Variants in NLRP7 observed in about 807,000 individuals in gnomAD.
NLRP7 encodes the protein NLR family pyrin domain containing 7, also known as NACHT, LRR and PYD domains-containing protein 7.
NLRP7 carries 72 observed loss-of-function variants against 85.5 expected under a neutral mutation model. That is an observed-to-expected ratio of 0.84 (90% confidence interval 0.70 to 1.02). NLRP7 has a LOEUF of 1.02. Among genes scored for constraint, NLRP7 ranks in the 50% least tolerant of loss-of-function variants. The pLI, the probability that NLRP7 is intolerant of heterozygous loss-of-function variation, is 0.00. For missense variants in NLRP7, 1,243 were observed against 1,219.5 expected, an observed-to-expected ratio of 1.02 and a Z score of -0.29; for synonymous variants, 550 against 505.2, an observed-to-expected ratio of 1.09 and a Z score of -1.19.
chr19:54,939,612 G>A (rs774981901), exon 4 of NLRP7: 3 of 1,611,026 alleles, frequency 1.9e-6, no homozygotes, highest in Non-Finnish European at 2.5e-6. Context: ...GCGCCCTGCG[G>A]GAACCGGCTG....
exon 5 of NLRP7, chr19:54,938,198 G>C: frequency 6.2e-7 from 1 of 1,614,116 alleles, no homozygotes; most frequent in Non-Finnish European, 8.5e-7. Flanking sequence ...CGAAGAGAGC[G>C]AAGATCCTGC....
chr19:54,942,255 CAAAAAAAAAA>C (rs576434793), intron 1 of NLRP7, among the ~76,000 whole-genome samples: 2 of 59,442 alleles, frequency 3.4e-5, no homozygotes, highest in Non-Finnish European at 3.1e-5. Context: ...GACTCCGTCT[CAAAAAAAAAA>C]AAAAAAAAAA....
rs1010066192 is a variant in NLRP7 at position 54,926,217 on chromosome 19, T to TGTGTGTGTGTGTGTGTGTGTGTGC, written c.2811-2346_2811-2345insGCACACACACACACACACACACAC. On this transcript the variant is annotated intron_variant, in intron 9 of 9. Transcript: ENST00000340844. ...TATAATGATTAGGGGTGTGTGTGTG[T>TGTGTGTGTGTGTGTGTGTGTGTGC]GTGTGTGTGTGCTCATGCACACACA... Among the ~76,000 whole-genome samples, 3 of 150,744 alleles carry TGTGTGTGTGTGTGTGTGTGTGTGC rather than the reference T, an allele frequency of 2.0e-5. No homozygotes were observed. The Admixed American group carries it at 2.0e-4, about 10-fold the overall frequency.
chr19:54,942,025 G>A (rs895212510), intron 1 of NLRP7, among the ~76,000 whole-genome samples: 7 of 151,754 alleles, frequency 4.6e-5, no homozygotes, highest in South Asian at 2.1e-4. Context: ...AGGCCGAGGC[G>A]GATGGATCAC....
chr19:54,951,692 G>A (rs1257712456), upstream of NLRP7, among the ~76,000 whole-genome samples: 1 of 152,074 alleles, frequency 6.6e-6, no homozygotes, highest in Non-Finnish European at 1.5e-5. Flanking sequence ...TCTAGACACT[G>A]CACTTTTGCC....
At chr19:54,938,805 G>C in intron 4 of NLRP7, 83 bp downstream of exon 4, 1 of 1,467,966 alleles carries the variant, frequency 6.8e-7, no homozygotes, top group Non-Finnish European at 9.5e-7. Context: ...TCCAGCCAGA[G>C]GGAAATTCTG....
chr19:54,939,282 G>A (rs764018986), exon 4 of NLRP7: 15 of 1,613,942 alleles, frequency 9.3e-6, no homozygotes, highest in Middle Eastern at 1.6e-4. Flanking sequence ...ATCAGGTCGG[G>A]GTTCTTGAGT....
chr19:54,964,659 T>C (rs562332581), intron 1 of NLRP7, among the ~76,000 whole-genome samples: 4 of 150,004 alleles, frequency 2.7e-5, no homozygotes, highest in East Asian at 2.0e-4. Flanking sequence ...CCCGTCTCTA[T>C]TGAAAAAAAT....
intron 9 of NLRP7, among the ~76,000 whole-genome samples, chr19:54,925,617 A>G (rs929856201): frequency 4.6e-5 from 7 of 152,168 alleles, no homozygotes; most frequent in African/African-American, 1.7e-4. Flanking sequence ...AACCTCGGCA[A>G]CACGGCCACA....
rs2068322057 is a variant in NLRP7, at chr19:54,923,856, T to C, written c.2827A>G (p.Thr943Ala). ...AACAGCTTCTTGATTTCCAAATTAGTTTCATAGGTCTTCAACCTGGAGGGA... is the reference window on the plus strand; with the variant it reads ...AACAGCTTCTTGATTTCCAAATTAGCTTCATAGGTCTTCAACCTGGAGGGA... The change falls in exon 10 of 10, where the codon ACT becomes GCT. Residue 943 changes from threonine to alanine, a missense_variant. This residue lies in a region of NLRP7 where 613 missense variants were observed against 588.4 expected (regional missense o/e 1.04). Transcript: ENST00000340844. The C allele has an allele frequency of 2.5e-6, 4 of 1,614,032 alleles. No homozygotes were observed. The African/African-American group carries it at 5.3e-5, about 22-fold the overall frequency.
At chr19:54,939,866 T>A in exon 4 of NLRP7, 2 of 1,614,028 alleles carry the variant, frequency 1.2e-6, no homozygotes, top group Non-Finnish European at 1.7e-6. Flanking sequence ...CACCCTTACG[T>A]AGATCGGCTG....
chr19:54,936,819 G>T (rs2068949038), intron 5 of NLRP7, among the ~76,000 whole-genome samples: 1 of 152,152 alleles, frequency 6.6e-6, no homozygotes, highest in Admixed American at 6.6e-5. Flanking sequence ...GGAGGCTGAG[G>T]TAGGAGAATC....
chr19:54,943,182 T>C (rs1218615097), intron 1 of NLRP7, among the ~76,000 whole-genome samples: 1 of 150,834 alleles, frequency 6.6e-6, no homozygotes, highest in Non-Finnish European at 1.5e-5. Flanking sequence ...TGGTGGAACA[T>C]ACCCGTAGTC....
chr19:54,965,446 C>T lies in NLRP7; in HGVS notation c.-77+594G>A, dbSNP rs1258192195. 2 of 98,936 alleles carry T rather than the reference C, an allele frequency of 2.0e-5. 1 individual carries two copies. The highest frequency in any genetic ancestry group is 4.2e-5 in the Non-Finnish European group (2 of 47,142). 6.1% of individuals were successfully genotyped at this position (98,936 alleles called of 1,614,324 possible). A position where few individuals can be genotyped will look rare whatever the true frequency, so the allele number is the denominator to read the frequency against. On this transcript the variant is annotated intron_variant, in intron 1 of 2. Coordinates refer to the NLRP7 transcript ENST00000587103. ...CTCCATTCCACAGTTGGTAAAATTT[C>T]TCCTTTTATTTCATATATTTTTTTT... is the stretch of plus-strand genomic sequence containing the variant.
At position 54,958,716 on chromosome 19, in the gene NLRP7, GAGCCACAGACA is replaced by G. The variant is rs1226669888; in HGVS notation, c.-77+7313_-77+7323del. Among the ~76,000 whole-genome samples the G allele has an allele frequency of 2.1e-4, 32 of 152,238 alleles. No homozygotes were observed. In the East Asian group the frequency reaches 6.0e-3, roughly 28 times the overall value. On this transcript the variant is annotated intron_variant, in intron 1 of 2. Coordinates refer to the NLRP7 transcript ENST00000587103. ...GCCTGTAATCCCAGTGTAGCAGGAC[GAGCCACAGACA>G]AAAACCTCTCAGACACCGAGTTGTA...
chr19:54,928,672 G>A (rs952772692), intron 9 of NLRP7, among the ~76,000 whole-genome samples: 1 of 152,190 alleles, frequency 6.6e-6, no homozygotes, highest in African/African-American at 2.4e-5. Flanking sequence ...GGTAGATCAT[G>A]AACCAGCATG....
chr19:54,947,713 C>G, upstream of NLRP7: 1 of 1,174,810 alleles, frequency 8.5e-7, no homozygotes, highest in Non-Finnish European at 1.1e-6. Context: ...TGGAGAATTA[C>G]GGCTTGCTGA....
At chr19:54,940,282 G>A (rs1446055896) in exon 4 of NLRP7, 11 of 1,614,184 alleles carry the variant, frequency 6.8e-6, no homozygotes, top group East Asian at 4.5e-5. Flanking sequence ...CCACGCCTGC[G>A]GGGCCGTGCA....
intron 9 of NLRP7, among the ~76,000 whole-genome samples, chr19:54,929,029 A>G (rs2068562576): frequency 6.6e-6 from 1 of 152,146 alleles, no homozygotes; most frequent in African/African-American, 2.4e-5. Context: ...TAAAGGTATC[A>G]CGGTCTGGCT....
Sources: gnomAD v4.1 joint callset for allele counts (sites outside exome capture counted in the v4.1 genomes callset) on GRCh38, gnomAD v4.1.1 for gene constraint, gnomAD v4.1.1 regional missense constraint, MANE v1.5 for transcripts, NCBI Gene and HGNC (gene_info 2026-07-23, HGNC 2026-07-21) for gene names.